The following ADGRD2 variants were observed in gnomAD, a reference collection of about 807,000 sequenced individuals.
ADGRD2 encodes the protein adhesion G protein-coupled receptor D2, also known as G protein-coupled receptor PGR24.
Under a neutral mutation model 44.4 loss-of-function variants are expected in ADGRD2, and 71 were observed. That is an observed-to-expected ratio of 1.60 (90% CI 1.32 to 1.95). The LOEUF (loss-of-function observed/expected upper bound fraction) is 1.95, where lower values mean the gene tolerates loss of function less well. Ranked by LOEUF, ADGRD2 falls within the 30% of genes most tolerant of loss-of-function variation. The pLI is 0.00. For missense variants in ADGRD2, 1,039 were observed against 512.4 expected, an observed-to-expected ratio of 2.03 and a Z score of -9.92; for synonymous variants, 481 against 224.8, an observed-to-expected ratio of 2.14 and a Z score of -10.19.
chr9:124,453,486 G>C, exon 3 of ADGRD2: 1 of 703,394 alleles, frequency 1.4e-6, no homozygotes, highest in Middle Eastern at 2.4e-4. Context: ...GTGGCTTCTC[G>C]GTGCGTCACG....
exon 6 of ADGRD2, chr9:124,455,049 G>C (rs1484071112): frequency 1.4e-6 from 1 of 718,176 alleles, no homozygotes; most frequent in East Asian, 2.7e-5. Context: ...CCTGGGAGCA[G>C]CTGAGCCAAG....
At chr9:124,452,188 A>T in intron 1 of ADGRD2, 34 bp downstream of exon 4, 1 of 692,210 alleles carries the variant, frequency 1.4e-6, no homozygotes, top group East Asian at 2.7e-5. Flanking sequence ...GGAGGGTCCC[A>T]GTCCCCCAGC....
Position 124,453,389 on chromosome 9 carries a change from GC to G in ADGRD2, c.637del (p.Ala214LeufsTer51), listed in dbSNP as rs1233603215. The G allele has an allele frequency of 5.2e-6, 3 of 575,316 alleles. No homozygotes were observed. In the East Asian group the frequency reaches 1.0e-4, roughly 19 times the overall value. 35.6% of individuals were successfully genotyped at this position (575,316 alleles called of 1,614,324 possible). On this transcript the variant is annotated frameshift_variant, in exon 3 of 22. Coordinates refer to ENST00000334810, the Ensembl canonical transcript of ADGRD2. LOFTEE classifies it high-confidence loss of function. ...GCGCTGTTCTCCGATGGGAGGCGGC[GC>G]GCTGGGGCGCGGGGGCTGGGCGCCG...
chr9:124,467,593 C>T, intron 11 of ADGRD2, 128 bp from the exon 15 acceptor site: 1 of 641,086 alleles, frequency 1.6e-6, no homozygotes, highest in South Asian at 1.8e-5. Flanking sequence ...GGCCTGGGTC[C>T]TGCTGGCTGC....
exon 10 of ADGRD2, chr9:124,458,717 C>T (rs1411167778): frequency 1.4e-6 from 1 of 718,320 alleles, no homozygotes; most frequent in Non-Finnish European, 2.6e-6. Flanking sequence ...CAGCACCGGG[C>T]CCAGGTACTG....
chr9:124,459,080 C>G (rs1484197578), intron 10 of ADGRD2, among the ~76,000 whole-genome samples: 1 of 152,164 alleles, frequency 6.6e-6, no homozygotes, highest in Non-Finnish European at 1.5e-5. Flanking sequence ...TTCACTGCAG[C>G]ATGTGCAGTG....
intron 10 of ADGRD2, 69 bp from the exon 14 acceptor site, chr9:124,466,189 C>T: frequency 1.9e-6 from 1 of 528,358 alleles, no homozygotes; most frequent in Non-Finnish European, 3.5e-6. Flanking sequence ...TGACAGGCCC[C>T]AGGCTCTGGG....
At chr9:124,476,582 C>G in intron 20 of ADGRD2, 97 bp from the exon 24 acceptor site, 2 of 639,902 alleles carry the variant, frequency 3.1e-6, no homozygotes, top group Non-Finnish European at 5.6e-6. Flanking sequence ...GAGCTGCTGG[C>G]GGCAAGCTGG....
At chr9:124,455,526 G>T (rs1180208834) in intron 6 of ADGRD2, among the ~76,000 whole-genome samples, 2 of 151,814 alleles carry the variant, frequency 1.3e-5, no homozygotes, top group South Asian at 2.1e-4. Context: ...GGGGGCGGAG[G>T]TTGCAGTGAG....
intron 17 of ADGRD2, among the ~76,000 whole-genome samples, chr9:124,473,304 G>A (rs145931081): frequency 8.5e-5 from 13 of 152,326 alleles, no homozygotes; most frequent in African/African-American, 2.6e-4. Context: ...CCACTGTGCC[G>A]GGTTGTGTCA....
chr9:124,458,840 C>T (rs1831670389), intron 10 of ADGRD2, 119 bp downstream of exon 13: 2 of 612,634 alleles, frequency 3.3e-6, no homozygotes, highest in Non-Finnish European at 6.0e-6. Flanking sequence ...ACAAAAGGTA[C>T]CTGCAAGCCA....
chr9:124,470,674 A>G, intron 17 of ADGRD2, 60 bp downstream of exon 20: 1 of 658,558 alleles, frequency 1.5e-6, no homozygotes, highest in Non-Finnish European at 2.8e-6. Context: ...CTCAGAGGGG[A>G]CGACTAGGGT....
intron 9 of ADGRD2, 64 bp downstream of exon 12, chr9:124,458,300 CCCCGTTCTGGTGGGCGCATGTGT>C (rs1248727424): frequency 8.5e-6 from 6 of 707,730 alleles, no homozygotes; most frequent in African/African-American, 3.5e-5. Context: ...AGGCCAAAGC[CCCCGTTCTGGTGGGCGCATGTGT>C]CCTTAGCAGC....
chr9:124,458,094 GC>G lies in ADGRD2; in HGVS notation c.1641-15del. On this transcript the variant is annotated intron_variant, in intron 8 of 21. Coordinates refer to ENST00000334810, the Ensembl canonical transcript of ADGRD2. ...CCCAGCCACCGGGTGGTGCCTTGGT[GC>G]CCCTTCCTCTCAGCCAGGCCTCTCT... 3 of 718,292 alleles carry G rather than the reference GC, an allele frequency of 4.2e-6. No homozygotes were observed. Among genetic ancestry groups the G allele is most frequent in the Non-Finnish European group, 5.2e-6 (2 of 384,942 alleles). The allele number at this position is 718,292 out of a possible 1,614,324, so 44.5% of individuals were successfully genotyped here.
At position 124,470,488 on chromosome 9, in the gene ADGRD2, C is replaced by T. The variant is rs547205995; in HGVS notation, c.2638-6C>T. ...ACCCCCGTCAGCCCTGCCTGCCCTC[C>T]TACAGGGCCACGGTGAAGCCCGTGC... On this transcript the variant is annotated splice_polypyrimidine_tract_variant and splice_region_variant and intron_variant, in intron 16 of 21. Coordinates refer to ENST00000334810, the Ensembl canonical transcript of ADGRD2. 231 of 709,298 alleles carry T rather than the reference C, an allele frequency of 3.3e-4. 2 individuals carry two copies. In the South Asian group the frequency reaches 3.3e-3, roughly 10 times the overall value. The allele number at this position is 709,298 out of a possible 1,614,324, so 43.9% of individuals were successfully genotyped here. A position where few individuals can be genotyped will look rare whatever the true frequency, so the allele number is the denominator to read the frequency against.
At chr9:124,451,997 G>GCCCTCCCCCCCCCCC, upstream of ADGRD2, 1 of 360,938 alleles carries the variant, frequency 2.8e-6, no homozygotes, top group Non-Finnish European at 5.5e-6. Context: ...TCCACTGAAT[G>GCCCTCCCCCCCCCCC]CCCCCCTCCC....
chr9:124,453,684 C>A lies in ADGRD2; in HGVS notation c.923+8C>A. On this transcript the variant is annotated splice_region_variant and intron_variant, in intron 3 of 21. Transcript: ENST00000334810. ...TGCGCCTTCTCTGTCCCGGTACGAC[C>A]CGCCCCGCCCCGGCCCCACCCCATG... The A allele has an allele frequency of 1.4e-6, 1 of 693,760 alleles. No homozygotes were observed. The highest frequency in any genetic ancestry group is 2.7e-5 in the East Asian group (1 of 36,772). The allele number at this position is 693,760 out of a possible 1,614,324, so 43.0% of individuals were successfully genotyped here.
chr9:124,477,218 G>A (rs947324368), intron 21 of ADGRD2: 1 of 372,980 alleles, frequency 2.7e-6, no homozygotes, highest in African/African-American at 2.1e-5. Flanking sequence ...GTGGCAGGGT[G>A]GGTACTGTGG....
upstream of ADGRD2, among the ~76,000 whole-genome samples, chr9:124,451,917 A>G (rs2131218368): frequency 6.6e-6 from 1 of 152,214 alleles, no homozygotes; most frequent in East Asian, 1.9e-4. Context: ...CAGGGCAGCA[A>G]AGGGCCCTCC....
Sources: gnomAD v4.1 joint callset for allele counts (sites outside exome capture counted in the v4.1 genomes callset) on GRCh38, gnomAD v4.1.1 for gene constraint, MANE v1.5 for transcripts, NCBI Gene and HGNC (gene_info 2026-07-23, HGNC 2026-07-21) for gene names.